ARHGAP25: variants seen among roughly 807,000 people sequenced by gnomAD.
ARHGAP25 encodes the protein rho GTPase-activating protein 25.
A neutral mutation model predicts 71.0 loss-of-function variants in ARHGAP25; 34 were observed. The observed-to-expected ratio is 0.48, with a 90% confidence interval of 0.36 to 0.64. ARHGAP25 has a LOEUF of 0.64. Among genes scored for constraint, ARHGAP25 ranks in the 30% least tolerant of loss-of-function variants. The pLI is 0.00. For missense variants in ARHGAP25, 706 were observed against 805.1 expected (o/e 0.88, Z 1.49); for synonymous variants, 282 against 296.5 (o/e 0.95, Z 0.50).
chr2:68,805,895 G>C (rs1680325163), intron 4 of ARHGAP25, among the ~76,000 whole-genome samples: 1 of 152,176 alleles, frequency 6.6e-6, no homozygotes, highest in South Asian at 2.1e-4. Flanking sequence ...AGTCACGCAG[G>C]ACAGGACAGA....
chr2:68,734,093 T>C (rs1200550347), upstream of ARHGAP25, among the ~76,000 whole-genome samples: 3 of 152,094 alleles, frequency 2.0e-5, no homozygotes, highest in Non-Finnish European at 4.4e-5. Context: ...CTAAATAGAA[T>C]AGAATAAAGG....
At chr2:68,719,332 C>T (rs1481520853) in intron 2 of ARHGAP25, among the ~76,000 whole-genome samples, 1 of 150,664 alleles carries the variant, frequency 6.6e-6, no homozygotes, top group Non-Finnish European at 1.5e-5. Context: ...CTGCGCCCTT[C>T]GTCTGTGGCA....
chr2:68,801,648 C>T (rs1377807941), intron 4 of ARHGAP25, among the ~76,000 whole-genome samples: 1 of 152,156 alleles, frequency 6.6e-6, no homozygotes, highest in African/African-American at 2.4e-5. Flanking sequence ...CTCTGAGGTC[C>T]ATCACATACC....
chr2:68,781,190 A>G (rs1678308399), intron 2 of ARHGAP25, among the ~76,000 whole-genome samples: 1 of 152,110 alleles, frequency 6.6e-6, no homozygotes, highest in Non-Finnish European at 1.5e-5. Flanking sequence ...GATCTAGACC[A>G]TCCTGGCTAA....
chr2:68,765,153 C>T (rs765063849), intron 1 of ARHGAP25, among the ~76,000 whole-genome samples: 2 of 152,120 alleles, frequency 1.3e-5, no homozygotes, highest in Non-Finnish European at 2.9e-5. Flanking sequence ...ATACTGGCAG[C>T]CTCAGTAAGT....
chr2:68,750,165 C>T (rs1048231573), intron 1 of ARHGAP25, among the ~76,000 whole-genome samples: 2 of 114,364 alleles, frequency 1.7e-5, no homozygotes, highest in African/African-American at 3.5e-5. Context: ...CACCGCCATG[C>T]CCGGCTGATT....
intron 4 of ARHGAP25, among the ~76,000 whole-genome samples, chr2:68,799,741 G>A (rs1451600367): frequency 6.6e-6 from 1 of 152,240 alleles, no homozygotes; most frequent in African/African-American, 2.4e-5. Context: ...GAGGGGAAGT[G>A]CTGGGGGAAG....
upstream of ARHGAP25, among the ~76,000 whole-genome samples, chr2:68,731,911 A>G (rs935484423): frequency 1.2e-4 from 19 of 152,130 alleles, no homozygotes; most frequent in Non-Finnish European, 1.9e-4. Context: ...ACTGTAAGAG[A>G]CAACAGCCGG....
At chr2:68,782,139 C>G (rs1558633676) in intron 2 of ARHGAP25, 94 bp from the exon 3 acceptor site, 2 of 1,131,942 alleles carry the variant, frequency 1.8e-6, no homozygotes, top group East Asian at 2.4e-5. Context: ...CTACTCTCCT[C>G]CCCATCCCAT....
At chr2:68,744,783 G>A (rs1675721006) in intron 1 of ARHGAP25, among the ~76,000 whole-genome samples, 1 of 152,174 alleles carries the variant, frequency 6.6e-6, no homozygotes, top group Admixed American at 6.5e-5. Context: ...CAATGCAGTT[G>A]CATTTCCACC....
chr2:68,819,322 A>T lies in ARHGAP25; in HGVS notation c.1200+3A>T, dbSNP rs1398032369. ...GGACAGACAGCTTCAGTAGCATGGT[A>T]AGGTGCAGAGAACCTTCCTGCTTCC... On this transcript the variant is annotated splice_donor_region_variant and intron_variant, in intron 9 of 10. Transcript: ENST00000409202. The T allele has an allele frequency of 6.2e-7, 1 of 1,613,926 alleles. No homozygotes were observed. Among genetic ancestry groups the T allele is most frequent in the African/African-American group, 1.3e-5 (1 of 74,912 alleles).
At chr2:68,811,219 G>A (rs1452258996) in intron 5 of ARHGAP25, among the ~76,000 whole-genome samples, 1 of 152,212 alleles carries the variant, frequency 6.6e-6, no homozygotes, top group Non-Finnish European at 1.5e-5. Flanking sequence ...GGATCAGTGT[G>A]ACTTTAGGAT....
chr2:68,745,965 C>G (rs1273222162), intron 1 of ARHGAP25, among the ~76,000 whole-genome samples: 2 of 152,112 alleles, frequency 1.3e-5, no homozygotes, highest in Admixed American at 1.3e-4. Context: ...TCCTTCAAGC[C>G]CTTTTACGAG....
intron 6 of ARHGAP25, among the ~76,000 whole-genome samples, chr2:68,815,575 C>A (rs533852245): frequency 6.6e-6 from 1 of 151,522 alleles, no homozygotes; most frequent in East Asian, 2.0e-4. Flanking sequence ...CTCAGCCTCC[C>A]GAGTAGCTGG....
intron 2 of ARHGAP25, among the ~76,000 whole-genome samples, chr2:68,722,577 G>A (rs1382311158): frequency 1.3e-4 from 18 of 137,676 alleles, no homozygotes; most frequent in Non-Finnish European, 1.1e-4. Context: ...GACCCTGTCT[G>A]AAAAAAAAAA....
intron 1 of ARHGAP25, among the ~76,000 whole-genome samples, chr2:68,762,670 C>T (rs928786555): frequency 6.6e-6 from 1 of 152,022 alleles, no homozygotes; most frequent in African/African-American, 2.4e-5. Flanking sequence ...GTTGGTCCTT[C>T]AGTGACTACT....
intron 1 of ARHGAP25, 24 bp downstream of exon 1, chr2:68,735,284 C>T (rs1321326276): frequency 2.5e-6 from 4 of 1,609,636 alleles, no homozygotes. Flanking sequence ...CTTTTCGTTG[C>T]CTCTGTGATT....
In ARHGAP25 at chr2:68,822,363, C is replaced by A. The variant is rs1490374304; in HGVS notation, c.1224C>A (p.Ser408Arg). Residue 408 changes from serine (S) to arginine (R), a missense_variant, in exon 10 of 11, where the codon AGC (serine) becomes AGA (arginine). Coordinates refer to ENST00000409202, the MANE Select transcript of ARHGAP25 (RefSeq NM_001007231.3). ...AGACAAGCGACTCTGATACAACCAG[C>A]CCCACCGGACAGCAGCCGAGCGATG... ...SSMTSDSDTT[S>R]PTGQQPSDAF... 2.5e-6 allele frequency: 4 copies of A among 1,613,772 alleles called. No individual in the cohort carries two copies. The highest frequency in any genetic ancestry group is 3.4e-6 in the Non-Finnish European group (4 of 1,179,908).
chr2:68,743,553 C>T (rs958758099), intron 1 of ARHGAP25, among the ~76,000 whole-genome samples: 14 of 152,156 alleles, frequency 9.2e-5, no homozygotes, highest in Admixed American at 9.2e-4. Flanking sequence ...GCATTTGATT[C>T]CATGCACCTG....
Sources: allele counts gnomAD v4.1 joint callset (sites outside exome capture counted in the v4.1 genomes callset), GRCh38; gene constraint gnomAD v4.1.1; transcripts MANE v1.5; gene names NCBI Gene and HGNC (gene_info 2026-07-23, HGNC 2026-07-21).